KCTD8: variants seen among roughly 807,000 people sequenced by gnomAD.
The protein encoded by KCTD8 is BTB/POZ domain-containing protein KCTD8.
In KCTD8, 27 loss-of-function variants were observed where a neutral mutation model predicts 31.5. The observed-to-expected ratio is 0.86, with a 90% CI of 0.63 to 1.18. The LOEUF (loss-of-function observed/expected upper bound fraction) is 1.18. KCTD8 is among the 50% of genes most tolerant of loss of function. The probability of loss-of-function intolerance (pLI) is 0.00; values close to 1 mark genes in which losing one functional copy is unlikely to be tolerated. For synonymous variants in KCTD8, 290 were observed against 280.0 expected (o/e 1.04, Z -0.36); for missense variants, 658 against 647.7 (o/e 1.02, Z -0.17).
intron 1 of KCTD8, among the ~76,000 whole-genome samples, chr4:44,402,187 T>C (rs529537590): frequency 1.3e-5 from 2 of 152,292 alleles, no homozygotes; most frequent in Admixed American, 6.5e-5. Flanking sequence ...TTTACATATT[T>C]AACTTCTTAG....
At chr4:44,209,512 ACT>A (rs1553893139) in intron 1 of KCTD8, among the ~76,000 whole-genome samples, 1 of 151,144 alleles carries the variant, frequency 6.6e-6, no homozygotes, top group African/African-American at 2.4e-5. Context: ...ACACACACAC[ACT>A]CTCACACACA....
At chr4:44,403,272 A>G (rs1440071770) in intron 1 of KCTD8, among the ~76,000 whole-genome samples, 1 of 152,164 alleles carries the variant, frequency 6.6e-6, no homozygotes, top group African/African-American at 2.4e-5. Flanking sequence ...ATCTATGTAT[A>G]AAATCACACG....
chr4:44,230,667 C>T (rs1715095527), intron 1 of KCTD8, among the ~76,000 whole-genome samples: 1 of 152,132 alleles, frequency 6.6e-6, no homozygotes, highest in Non-Finnish European at 1.5e-5. Context: ...CAGAAATGTA[C>T]AGCAGTATAC....
chr4:44,211,110 T>C (rs1205878984), intron 1 of KCTD8, among the ~76,000 whole-genome samples: 1 of 152,230 alleles, frequency 6.6e-6, no homozygotes, highest in Non-Finnish European at 1.5e-5. Context: ...AATATTAGGC[T>C]CATTTTATTT....
At chr4:44,353,604 C>T (rs1719270061) in intron 1 of KCTD8, among the ~76,000 whole-genome samples, 1 of 151,916 alleles carries the variant, frequency 6.6e-6, no homozygotes, top group African/African-American at 2.4e-5. Flanking sequence ...TAATTATCAC[C>T]TCTTTATCCC....
intron 1 of KCTD8, among the ~76,000 whole-genome samples, chr4:44,239,837 C>T (rs1715398374): frequency 2.0e-5 from 3 of 152,152 alleles, no homozygotes; most frequent in African/African-American, 4.8e-5. Context: ...TTTTGATTAG[C>T]TTGTAACTTC....
At chr4:44,234,787 C>CATTCCT (rs1245635599) in intron 1 of KCTD8, among the ~76,000 whole-genome samples, 2 of 152,184 alleles carry the variant, frequency 1.3e-5, no homozygotes, top group African/African-American at 4.8e-5. Context: ...AGGGTCTTTA[C>CATTCCT]ATTCCTATGG....
At chr4:44,411,701 T>TGGATGACTACTCCAATCAG (rs1242471915) in intron 1 of KCTD8, among the ~76,000 whole-genome samples, 6 of 151,924 alleles carry the variant, frequency 3.9e-5, no homozygotes, top group African/African-American at 1.2e-4. Context: ...GGACCCTTAT[T>TGGATGACTACTCCAATCAG]CCAATATGGC....
intron 1 of KCTD8, among the ~76,000 whole-genome samples, chr4:44,332,668 G>T (rs530212121): frequency 6.6e-6 from 1 of 151,868 alleles, no homozygotes; most frequent in African/African-American, 2.4e-5. Flanking sequence ...AAATGAAAGA[G>T]AAATAGGTTC....
At chr4:44,196,817 T>A (rs1032099952) in intron 1 of KCTD8, among the ~76,000 whole-genome samples, 1 of 152,046 alleles carries the variant, frequency 6.6e-6, no homozygotes, top group African/African-American at 2.4e-5. Flanking sequence ...CACACAGAGA[T>A]TTTGCAGAGG....
At chr4:44,268,085 A>C (rs2109370082) in intron 1 of KCTD8, among the ~76,000 whole-genome samples, 1 of 152,326 alleles carries the variant, frequency 6.6e-6, no homozygotes, top group African/African-American at 2.4e-5. Context: ...GCAGAGACAC[A>C]ACCAAAAAAG....
intron 1 of KCTD8, among the ~76,000 whole-genome samples, chr4:44,297,544 A>T (rs533935568): frequency 6.6e-6 from 1 of 152,250 alleles, no homozygotes; most frequent in Non-Finnish European, 1.5e-5. Flanking sequence ...CACTACCATT[A>T]ACTTGCACTT....
intron 1 of KCTD8, among the ~76,000 whole-genome samples, chr4:44,423,403 C>T (rs1317067885): frequency 6.6e-6 from 1 of 152,114 alleles, no homozygotes; most frequent in African/African-American, 2.4e-5. Context: ...AACAGCTATG[C>T]TGTTAATTAT....
rs573976796 is a variant in KCTD8, at chr4:44,363,899, T to A, written c.961+83664A>T. 3.9e-5 allele frequency among the ~76,000 whole-genome samples: 6 copies of A among 152,140 alleles called. No individual in the cohort carries two copies. The South Asian group carries it at 1.2e-3, about 32-fold the overall frequency. On this transcript the variant is annotated intron_variant, in intron 1 of 1. Transcript: ENST00000360029. ...TAAATGTTCTTATGTAAAAGAAAAA[T>A]TAATTTAAACATAGATCTTATACCT...
intron 1 of KCTD8, among the ~76,000 whole-genome samples, chr4:44,356,071 G>C (rs1354004049): frequency 6.6e-6 from 1 of 152,096 alleles, no homozygotes; most frequent in African/African-American, 2.4e-5. Flanking sequence ...ATAACTTCTA[G>C]CCATACAGGC....
intron 1 of KCTD8, among the ~76,000 whole-genome samples, chr4:44,426,761 TAACCATC>T (rs1721359045): frequency 6.6e-6 from 1 of 151,832 alleles, no homozygotes; most frequent in Non-Finnish European, 1.5e-5. Context: ...GCATTCCACT[TAACCATC>T]ATGAAACAAA....
intron 1 of KCTD8, among the ~76,000 whole-genome samples, chr4:44,313,994 A>G (rs1005774524): frequency 2.6e-5 from 4 of 152,242 alleles, no homozygotes; most frequent in Non-Finnish European, 5.9e-5. Flanking sequence ...TGGCCAGACA[A>G]TGAATGGTCA....
chr4:44,398,805 T>G (rs1398688086), intron 1 of KCTD8, among the ~76,000 whole-genome samples: 2 of 152,082 alleles, frequency 1.3e-5, no homozygotes, highest in African/African-American at 2.4e-5. Context: ...GAAACAGCAT[T>G]TACTGAGCAC....
chr4:44,423,231 C>T (rs1347132434), intron 1 of KCTD8, among the ~76,000 whole-genome samples: 1 of 152,014 alleles, frequency 6.6e-6, no homozygotes, highest in African/African-American at 2.4e-5. Flanking sequence ...CTCAATAGTA[C>T]CTTGGTTGAG....
Sources: allele counts gnomAD v4.1 joint callset (sites outside exome capture counted in the v4.1 genomes callset), GRCh38; gene constraint gnomAD v4.1.1; transcripts MANE v1.5; gene names NCBI Gene and HGNC (gene_info 2026-07-23, HGNC 2026-07-21).